Variants in EXT1 observed in about 807,000 individuals in gnomAD.
EXT1 encodes the protein exostosin glycosyltransferase 1, also known as exostosin-1.
EXT1 carries 20 observed loss-of-function variants against 82.5 expected under a neutral mutation model. That is an observed-to-expected ratio of 0.24 (90% CI 0.17 to 0.35). EXT1 has a LOEUF of 0.35. Among genes scored for constraint, EXT1 ranks in the 10% least tolerant of loss-of-function variants. EXT1 has a pLI of 1.00. For missense variants in EXT1, 757 were observed against 936.5 expected (o/e 0.81, Z 2.50); for synonymous variants, 348 against 350.8 (o/e 0.99, Z 0.09).
intron 1 of EXT1, among the ~76,000 whole-genome samples, chr8:117,855,556 CT>C (rs1298578540): frequency 6.6e-6 from 1 of 152,180 alleles, no homozygotes; most frequent in African/African-American, 2.4e-5. Flanking sequence ...TCCCCTCCCT[CT>C]CTCTTTGGGC....
intron 4 of EXT1, among the ~76,000 whole-genome samples, chr8:117,828,427 T>C (rs1412612566): frequency 6.6e-6 from 1 of 151,780 alleles, no homozygotes; most frequent in Non-Finnish European, 1.5e-5. Flanking sequence ...CTCGCGCCCA[T>C]GGTCCCAGCT....
chr8:117,909,295 G>T (rs898218020), intron 1 of EXT1, among the ~76,000 whole-genome samples: 6 of 152,152 alleles, frequency 3.9e-5, no homozygotes, highest in Non-Finnish European at 8.8e-5. Context: ...TCATTTACAA[G>T]AAAGAAAATT....
rs1586323845 is a variant in EXT1, at chr8:117,982,314, T to C, written c.962+127771A>G. 2.0e-5 allele frequency among the ~76,000 whole-genome samples: 3 copies of C among 152,164 alleles called. No homozygotes were observed. In the East Asian group the frequency reaches 5.8e-4, roughly 29 times the overall value. On this transcript the variant is annotated intron_variant, in intron 1 of 10. Coordinates refer to ENST00000378204, the MANE Select transcript of EXT1 (RefSeq NM_000127.3). ...TCACAGCTACCACAGGACACTTGCG[T>C]CCTTGCCTACGCTCCCTTCCCCCAA...
chr8:118,087,662 A>C (rs1027044616), intron 1 of EXT1, among the ~76,000 whole-genome samples: 5 of 152,222 alleles, frequency 3.3e-5, no homozygotes, highest in African/African-American at 1.2e-4. Flanking sequence ...ATTTAATGAC[A>C]AACTTTTACT....
At position 117,795,045 on chromosome 8, in the gene EXT1, C is replaced by T. The variant is rs996870285; in HGVS notation, c.*4667G>A. On this transcript the variant is annotated 3_prime_UTR_variant, in exon 11 of 11. Transcript: ENST00000378204. ...ATTCCTGTAGGAGAAGAACAGAAAACTATTGCAGAAATCAAATGGCCTGAG... is the reference window on the plus strand; with the variant it reads ...ATTCCTGTAGGAGAAGAACAGAAAATTATTGCAGAAATCAAATGGCCTGAG... 1 of 152,162 alleles carries T rather than the reference C, an allele frequency of 6.6e-6. No individual in the cohort carries two copies. The highest frequency in any genetic ancestry group is 2.4e-5 in the African/African-American group (1 of 41,424). 9.4% of individuals were successfully genotyped at this position (152,162 alleles called of 1,614,324 possible). A position where few individuals can be genotyped will look rare whatever the true frequency, so the allele number is the denominator to read the frequency against.
At chr8:118,013,030 TCACTGA>T (rs1815932718) in intron 1 of EXT1, among the ~76,000 whole-genome samples, 1 of 152,122 alleles carries the variant, frequency 6.6e-6, no homozygotes, top group African/African-American at 2.4e-5. Context: ...TTCTATGTGT[TCACTGA>T]TGTTTTTTTT....
intron 4 of EXT1, among the ~76,000 whole-genome samples, chr8:117,824,458 G>C (rs1424975999): frequency 6.6e-6 from 1 of 152,182 alleles, no homozygotes; most frequent in Non-Finnish European, 1.5e-5. Flanking sequence ...AGGTACGAAA[G>C]CAGTAGCAAA....
At chr8:117,892,713 C>T (rs1356846258) in intron 1 of EXT1, among the ~76,000 whole-genome samples, 3 of 152,098 alleles carry the variant, frequency 2.0e-5, no homozygotes, top group East Asian at 3.8e-4. Flanking sequence ...TGCCATGGTC[C>T]GGTGAGAGGT....
At chr8:117,936,565 A>C (rs1239267421) in intron 1 of EXT1, among the ~76,000 whole-genome samples, 1 of 152,194 alleles carries the variant, frequency 6.6e-6, no homozygotes, top group Non-Finnish European at 1.5e-5. Flanking sequence ...TAGGAAGATA[A>C]GTTTTCCTTG....
At chr8:118,086,901 C>T (rs1210914073) in intron 1 of EXT1, among the ~76,000 whole-genome samples, 1 of 152,120 alleles carries the variant, frequency 6.6e-6, no homozygotes, top group Non-Finnish European at 1.5e-5. Flanking sequence ...TGAAACTTCC[C>T]TCCTCCAGTA....
At chr8:118,016,690 T>C (rs1175225616) in intron 1 of EXT1, among the ~76,000 whole-genome samples, 1 of 152,236 alleles carries the variant, frequency 6.6e-6, no homozygotes, top group Non-Finnish European at 1.5e-5. Context: ...TCTAAGGAGC[T>C]AACCCCAGTC....
chr8:118,082,729 T>C (rs1276364539), intron 1 of EXT1, among the ~76,000 whole-genome samples: 1 of 152,186 alleles, frequency 6.6e-6, no homozygotes, highest in African/African-American at 2.4e-5. Flanking sequence ...ACTATAATTA[T>C]ATAGTGAGCT....
At chr8:117,946,304 G>C (rs1410404236) in intron 1 of EXT1, among the ~76,000 whole-genome samples, 1 of 152,180 alleles carries the variant, frequency 6.6e-6, no homozygotes, top group Non-Finnish European at 1.5e-5. Context: ...AGGCATATTT[G>C]ACTGTGTCTA....
chr8:117,923,719 C>A (rs1156890697), intron 1 of EXT1, among the ~76,000 whole-genome samples: 1 of 149,256 alleles, frequency 6.7e-6, no homozygotes, highest in Non-Finnish European at 1.5e-5. Flanking sequence ...GGGCGAGACT[C>A]TGTCTCAAAA....
At chr8:117,823,608 A>C (rs547723175) in intron 4 of EXT1, among the ~76,000 whole-genome samples, 79 of 152,226 alleles carry the variant, frequency 5.2e-4, no homozygotes, top group Non-Finnish European at 1.1e-3. Flanking sequence ...TTTTAAGTAC[A>C]GACTATTTTA....
At chr8:117,813,507 G>A (rs1823368233) in intron 7 of EXT1, among the ~76,000 whole-genome samples, 1 of 152,094 alleles carries the variant, frequency 6.6e-6, no homozygotes, top group South Asian at 2.1e-4. Context: ...GGATGGAGAA[G>A]TGATTCCAAG....
At chr8:118,035,271 C>G (rs1402601241) in intron 1 of EXT1, among the ~76,000 whole-genome samples, 1 of 152,136 alleles carries the variant, frequency 6.6e-6, no homozygotes, top group Non-Finnish European at 1.5e-5. Context: ...TTGGAGGCTC[C>G]AAGTCACTCT....
intron 1 of EXT1, among the ~76,000 whole-genome samples, chr8:118,101,483 T>A (rs917970148): frequency 2.0e-5 from 3 of 152,220 alleles, no homozygotes; most frequent in African/African-American, 7.2e-5. Flanking sequence ...CTATGGTCCA[T>A]GGAGTCAACA....
intron 1 of EXT1, among the ~76,000 whole-genome samples, chr8:117,852,212 C>T (rs966577336): frequency 2.0e-5 from 3 of 152,178 alleles, no homozygotes; most frequent in Non-Finnish European, 4.4e-5. Flanking sequence ...TTATTGTACA[C>T]AATTGCACGT....
Sources: allele counts gnomAD v4.1 joint callset (sites outside exome capture counted in the v4.1 genomes callset), GRCh38; gene constraint gnomAD v4.1.1; transcripts MANE v1.5; gene names NCBI Gene and HGNC (gene_info 2026-07-23, HGNC 2026-07-21).